Variants in CHD7 observed in about 807,000 individuals in gnomAD.
CHD7 encodes chromodomain helicase DNA binding protein 7.
A neutral mutation model predicts 307.3 loss-of-function variants in CHD7; 24 were observed. The observed-to-expected ratio is 0.08, with a 90% CI of 0.06 to 0.11. CHD7 has a LOEUF of 0.11. Among genes scored for constraint, CHD7 ranks in the 10% least tolerant of loss-of-function variants. The probability of loss-of-function intolerance (pLI) is 1.00; values close to 1 mark genes in which losing one functional copy is unlikely to be tolerated. For missense variants in CHD7, 3,106 were observed against 3,727.1 expected (o/e 0.83, Z 4.34); for synonymous variants, 1,363 against 1,349.9 (o/e 1.01, Z -0.21).
At chr8:60,835,052 G>A (rs1221672159) in intron 15 of CHD7, among the ~76,000 whole-genome samples, 2 of 152,254 alleles carry the variant, frequency 1.3e-5, no homozygotes, top group Non-Finnish European at 2.9e-5. Flanking sequence ...GTGTGTGTTT[G>A]TATTTTCTGA....
At chr8:60,780,320 A>G (rs972973413) in intron 2 of CHD7, among the ~76,000 whole-genome samples, 1 of 152,204 alleles carries the variant, frequency 6.6e-6, no homozygotes, top group Non-Finnish European at 1.5e-5. Flanking sequence ...TATTTGGGTT[A>G]TCTCTCCCTT....
chr8:60,767,180 G>A (rs980478872), intron 2 of CHD7, among the ~76,000 whole-genome samples: 1 of 152,172 alleles, frequency 6.6e-6, no homozygotes, highest in African/African-American at 2.4e-5. Context: ...GAATATTAGT[G>A]TGCAGTCAGA....
chr8:60,800,655 A>T (rs1223541437), intron 5 of CHD7, 130 bp downstream of exon 5: 2 of 886,264 alleles, frequency 2.3e-6, no homozygotes, highest in African/African-American at 1.7e-5. Flanking sequence ...ATGTTGGATA[A>T]TGTGCTATGG....
intron 1 of CHD7, among the ~76,000 whole-genome samples, chr8:60,719,856 C>T (rs111804958): frequency 2.6e-5 from 4 of 152,268 alleles, no homozygotes; most frequent in African/African-American, 9.6e-5. Flanking sequence ...CTTGGATGGA[C>T]ACCAGATCTG....
chr8:60,690,731 C>A (rs1442143875), intron 1 of CHD7, among the ~76,000 whole-genome samples: 1 of 152,176 alleles, frequency 6.6e-6, no homozygotes, highest in Non-Finnish European at 1.5e-5. Context: ...GCAGTCAGTG[C>A]CACTGCCATA....
At position 60,830,564 on chromosome 8, in the gene CHD7, G is replaced by C. The variant is rs371633293; in HGVS notation, c.3765G>C (p.Pro1255=). The C allele has an allele frequency of 6.2e-7, 1 of 1,613,122 alleles. No homozygotes were observed. Among genetic ancestry groups the C allele is most frequent in the South Asian group, 1.1e-5 (1 of 91,056 alleles). Residue 1255 remains proline (P), a synonymous_variant, in exon 15 of 38, where the codon CCG becomes CCC. Transcript: ENST00000423902. ...AATTGCGGAAGTGCTGCAATCATCC[G>C]TACCTTATCAATGGTAAGGCTGCCC... The part of the protein sequence containing the change: ...MMELRKCCNH[P]YLINGAEEKI...
At chr8:60,851,438 C>T in intron 28 of CHD7, 119 bp downstream of exon 28, 1 of 716,666 alleles carries the variant, frequency 1.4e-6, no homozygotes, top group Non-Finnish European at 2.4e-6. Flanking sequence ...TTCTTCTACA[C>T]TGACCTGTTT....
intron 1 of CHD7, among the ~76,000 whole-genome samples, chr8:60,707,843 G>A (rs1365248762): frequency 1.3e-5 from 2 of 152,160 alleles, no homozygotes; most frequent in African/African-American, 4.8e-5. Context: ...GAAGCATCAC[G>A]TTGTACCTTA....
chr8:60,850,698 T>A (rs751484480), intron 26 of CHD7, 76 bp downstream of exon 26: 35 of 1,416,220 alleles, frequency 2.5e-5, no homozygotes, highest in Non-Finnish European at 3.4e-5. Context: ...GTTCTTACCC[T>A]GCAGTACACA....
intron 2 of CHD7, among the ~76,000 whole-genome samples, chr8:60,743,982 A>G (rs776213879): frequency 1.2e-4 from 18 of 152,216 alleles, no homozygotes; most frequent in Non-Finnish European, 2.2e-4. Flanking sequence ...TGATGGACTT[A>G]TTATCAATTT....
At chr8:60,799,880 AGG>A (rs1812211452) in intron 4 of CHD7, among the ~76,000 whole-genome samples, 1 of 152,122 alleles carries the variant, frequency 6.6e-6, no homozygotes, top group South Asian at 2.1e-4. Flanking sequence ...CAGCTGTCCC[AGG>A]CGTCTGACTC....
At chr8:60,695,656 A>G (rs1485626361) in intron 1 of CHD7, among the ~76,000 whole-genome samples, 1 of 152,262 alleles carries the variant, frequency 6.6e-6, no homozygotes, top group African/African-American at 2.4e-5. Context: ...ACAGAGAAGC[A>G]ATTGCAGTCT....
chr8:60,856,422 G>C (rs1181942641), intron 33 of CHD7, 23 bp from the exon 34 acceptor site: 1 of 1,591,628 alleles, frequency 6.3e-7, no homozygotes, highest in Admixed American at 1.7e-5. Context: ...CTGCAACTCT[G>C]TTCTGTTGGA....
chr8:60,813,372 T>C (rs867867649), intron 7 of CHD7, among the ~76,000 whole-genome samples: 2 of 152,212 alleles, frequency 1.3e-5, no homozygotes, highest in Non-Finnish European at 2.9e-5. Flanking sequence ...CTTATTATTT[T>C]CTAATTATTA....
chr8:60,823,394 TATAGATAGATAG>T (rs34150494), intron 12 of CHD7, among the ~76,000 whole-genome samples: 3,351 of 145,512 alleles, frequency 0.023, 62 homozygotes, highest in African/African-American at 0.055. Flanking sequence ...TTTTGCTATA[TATAGATAGATAG>T]ATAGATAGAT....
chr8:60,812,971 GTTTGCATTTTATTT>G, intron 7 of CHD7, among the ~76,000 whole-genome samples: 1 of 152,072 alleles, frequency 6.6e-6, no homozygotes, highest in South Asian at 2.1e-4. Context: ...ATAAATGCCT[GTTTGCATTTTATTT>G]ATTTACATTG....
intron 7 of CHD7, among the ~76,000 whole-genome samples, chr8:60,815,439 T>C (rs1474623675): frequency 1.3e-5 from 2 of 152,186 alleles, no homozygotes; most frequent in East Asian, 1.9e-4. Flanking sequence ...TAAGAGGCTC[T>C]CAAGGCTGTT....
chr8:60,809,699 A>G (rs931686250), intron 7 of CHD7: 1 of 150,228 alleles, frequency 6.7e-6, no homozygotes, highest in Non-Finnish European at 1.5e-5. Flanking sequence ...AAAAAAGAAA[A>G]AAAAGGTTTT....
At chr8:60,814,307 A>G (rs892828949) in intron 7 of CHD7, among the ~76,000 whole-genome samples, 3 of 152,252 alleles carry the variant, frequency 2.0e-5, no homozygotes, top group Non-Finnish European at 4.4e-5. Flanking sequence ...GTCCAGTTCA[A>G]GGCTACACAG....
Sources: gnomAD v4.1 joint callset for allele counts (sites outside exome capture counted in the v4.1 genomes callset) on GRCh38, gnomAD v4.1.1 for gene constraint, MANE v1.5 for transcripts, NCBI Gene and HGNC (gene_info 2026-07-23, HGNC 2026-07-21) for gene names.